Variants in ZNF644 observed in about 807,000 individuals in gnomAD.
ZNF644 encodes the protein zinc finger motif enhancer binding protein 2.
ZNF644 carries 20 observed loss-of-function variants against 108.0 expected under a neutral mutation model. That is an observed-to-expected ratio of 0.19 (90% CI 0.13 to 0.27). ZNF644 has a LOEUF of 0.27. Among genes scored for constraint, ZNF644 ranks in the 10% least tolerant of loss-of-function variants. ZNF644 has a pLI of 1.00. For synonymous variants in ZNF644, 542 were observed against 539.1 expected (o/e 1.01, Z -0.08); for missense variants, 1,338 against 1,548.9 (o/e 0.86, Z 2.29).
intron 1 of ZNF644, among the ~76,000 whole-genome samples, chr1:90,998,122 AG>A (rs1481850380): frequency 6.6e-6 from 1 of 152,200 alleles, no homozygotes; most frequent in Non-Finnish European, 1.5e-5. Flanking sequence ...CTCTTGGGGC[AG>A]GGCACAGCCG....
chr1:91,019,260 G>C (rs1445107125), intron 1 of ZNF644, among the ~76,000 whole-genome samples: 14 of 152,144 alleles, frequency 9.2e-5, no homozygotes, highest in Non-Finnish European at 1.3e-4. Context: ...ATTCTGAGTG[G>C]CACATTCGTT....
At chr1:90,922,980 C>CT (rs1229273637) in intron 4 of ZNF644, among the ~76,000 whole-genome samples, 6 of 152,032 alleles carry the variant, frequency 3.9e-5, no homozygotes, top group Admixed American at 2.0e-4. Flanking sequence ...GAATCAGGGC[C>CT]TTTTTTTAGA....
rs149549756 is a variant in ZNF644, at chr1:91,000,451, C to T, written c.-17-18081G>A. ...TCCTGAATAACTATTGGGTACATAACGAAATGAAGGCAGAAATAAAGATGT... is the reference window on the plus strand; with the variant it reads ...TCCTGAATAACTATTGGGTACATAATGAAATGAAGGCAGAAATAAAGATGT... On this transcript the variant is annotated intron_variant, in intron 1 of 5. Coordinates refer to ENST00000337393, the MANE Select transcript of ZNF644 (RefSeq NM_201269.3). Among the ~76,000 whole-genome samples the T allele has an allele frequency of 6.9e-3, 1,052 of 152,132 alleles. 14 individuals are homozygous for T. The highest frequency in any genetic ancestry group is 0.024 in the African/African-American group (985 of 41,492).
chr1:90,954,671 TGCTAGGATTA>T (rs1653561404), intron 2 of ZNF644, among the ~76,000 whole-genome samples: 1 of 152,218 alleles, frequency 6.6e-6, no homozygotes, highest in Non-Finnish European at 1.5e-5. Context: ...CCTCCCAAAG[TGCTAGGATTA>T]CAGGCGTGAG....
At chr1:90,994,591 T>C (rs936484572) in intron 1 of ZNF644, among the ~76,000 whole-genome samples, 7 of 152,204 alleles carry the variant, frequency 4.6e-5, no homozygotes, top group African/African-American at 1.7e-4. Context: ...GAAAGAATGA[T>C]GCTACACTTG....
chr1:91,015,939 T>G (rs775089567), intron 1 of ZNF644, among the ~76,000 whole-genome samples: 8 of 152,226 alleles, frequency 5.3e-5, no homozygotes, highest in African/African-American at 1.2e-4. Context: ...ACATGAATTA[T>G]GTAATATCAA....
Position 90,916,964 on chromosome 1 carries a change from G to A in ZNF644, c.3818C>T (p.Pro1273Leu). ...CRFCGLVFRG[P>L]LSVQEDWIKH... ...AATCCAGTCTTCCTGAACAGACAAG[G>A]GTCCTCGAAAGACTAGGCCACAAAA... Residue 1273 changes from proline to leucine, a missense_variant, in exon 6 of 6, where the codon CCC becomes CTC. Physicochemically the swap from Pro to Leu is moderately conservative, Grantham distance 98 (BLOSUM62 -3). Around this residue, in one of 6 missense-constraint regions of ZNF644, gnomAD observed 34 missense variants for 78.6 expected, o/e 0.43. Transcript: ENST00000337393. The A allele has an allele frequency of 1.2e-6, 2 of 1,614,062 alleles. No homozygotes were observed. Among genetic ancestry groups the A allele is most frequent in the Non-Finnish European group, 1.7e-6 (2 of 1,180,012 alleles).
At chr1:91,017,177 A>C (rs1441254259) in intron 1 of ZNF644, among the ~76,000 whole-genome samples, 1 of 152,202 alleles carries the variant, frequency 6.6e-6, no homozygotes, top group African/African-American at 2.4e-5. Flanking sequence ...TAAAAAAAAG[A>C]TACACATACC....
At position 90,940,639 on chromosome 1, in the gene ZNF644, T is replaced by G. The variant is rs1651861390; in HGVS notation, c.715A>C (p.Asn239His). The G allele has an allele frequency of 6.2e-7, 1 of 1,613,954 alleles. No individual in the cohort carries two copies. Among genetic ancestry groups the G allele is most frequent in the African/African-American group, 1.3e-5 (1 of 74,930 alleles). ...CCTGAGGAAATTCCCGTTACTGTAT[T>G]GACACAATCATCTTTCACCAATAAA... ...EDLLVKDDCVNTVTGISSGTD... is the reference protein window; with the variant it reads ...EDLLVKDDCVHTVTGISSGTD... The change falls in exon 3 of 6, where the codon AAT becomes CAT. Residue 239 changes from asparagine (N) to histidine (H), a missense_variant. Transcript: ENST00000337393.
intron 4 of ZNF644, among the ~76,000 whole-genome samples, chr1:90,928,471 C>T (rs1266271834): frequency 3.3e-5 from 5 of 151,980 alleles, no homozygotes; most frequent in African/African-American, 1.2e-4. Context: ...GCGCATACCA[C>T]CACGCCTGGC....
intron 4 of ZNF644, among the ~76,000 whole-genome samples, chr1:90,925,330 T>A (rs1186770786): frequency 2.6e-5 from 4 of 152,224 alleles, no homozygotes; most frequent in African/African-American, 9.6e-5. Context: ...TAGCTTACGT[T>A]ATCTTAATGT....
chr1:90,917,087 A>G (rs1190733173), intron 5 of ZNF644, 97 bp from the exon 6 acceptor site: 17 of 1,277,760 alleles, frequency 1.3e-5, no homozygotes, highest in Non-Finnish European at 1.8e-5. Context: ...ACTTTATCAT[A>G]TTTTAAAGAC....
At chr1:90,923,147 A>C (rs550534316) in intron 4 of ZNF644, among the ~76,000 whole-genome samples, 1 of 152,266 alleles carries the variant, frequency 6.6e-6, no homozygotes, top group East Asian at 1.9e-4. Context: ...TCCAACTTAC[A>C]CAGTCACATA....
At chr1:90,918,964 A>G (rs1203928784) in intron 4 of ZNF644, among the ~76,000 whole-genome samples, 3 of 152,120 alleles carry the variant, frequency 2.0e-5, no homozygotes, top group East Asian at 1.9e-4. Context: ...TTATTTTAAA[A>G]TGTGATTTGA....
At chr1:90,956,743 TC>T (rs1270048822) in intron 2 of ZNF644, among the ~76,000 whole-genome samples, 4 of 152,084 alleles carry the variant, frequency 2.6e-5, no homozygotes, top group African/African-American at 9.7e-5. Flanking sequence ...TCACAAATAC[TC>T]AGGAGGCTGA....
At chr1:90,975,436 CTTTTT>C (rs1243944087) in intron 2 of ZNF644, among the ~76,000 whole-genome samples, 1 of 135,356 alleles carries the variant, frequency 7.4e-6, no homozygotes, top group East Asian at 2.1e-4. Flanking sequence ...CAAATATCTA[CTTTTT>C]TTTTTTTTTT....
At position 90,939,623 on chromosome 1, in the gene ZNF644, T is replaced by C. The variant is rs1411952611; in HGVS notation, c.1731A>G (p.Val577=). ...AGGTAGCTGATTTTTTGGATGATCC[T>C]ACTACAGAGTCTTTCATGAAAGTCT... The part of the protein sequence containing the change: ...QKKTFMKDSV[V]GSSKKSATYI... The change falls in exon 3 of 6, where the codon GTA becomes GTG. Residue 577 remains valine (V), a synonymous_variant. Coordinates refer to ENST00000337393, the MANE Select transcript of ZNF644 (RefSeq NM_201269.3). 1 of 1,614,068 alleles carries C rather than the reference T, an allele frequency of 6.2e-7. No individual in the cohort carries two copies. Among genetic ancestry groups the C allele is most frequent in the South Asian group, 1.1e-5 (1 of 91,078 alleles).
intron 1 of ZNF644, among the ~76,000 whole-genome samples, chr1:91,017,733 G>C (rs949320547): frequency 6.6e-6 from 1 of 152,132 alleles, no homozygotes; most frequent in Non-Finnish European, 1.5e-5. Context: ...AGGCCAAGGC[G>C]GGTGAATCAC....
chr1:91,003,687 C>A (rs564593237), intron 1 of ZNF644, among the ~76,000 whole-genome samples: 6 of 148,506 alleles, frequency 4.0e-5, no homozygotes, highest in Admixed American at 2.0e-4. Context: ...ATAATAATAT[C>A]AAAAAAAAAT....
Sources: gnomAD v4.1 joint callset for allele counts (sites outside exome capture counted in the v4.1 genomes callset) on GRCh38, gnomAD v4.1.1 for gene constraint, gnomAD v4.1.1 regional missense constraint, MANE v1.5 for transcripts, NCBI Gene and HGNC (gene_info 2026-07-23, HGNC 2026-07-21) for gene names.